Variants in CELF4 observed in about 807,000 individuals in gnomAD.
CELF4 encodes the protein CUG-BP- and ETR-3-like factor 4.
In CELF4, 18 loss-of-function variants were observed where a neutral mutation model predicts 59.9. That is an observed-to-expected ratio of 0.30 (90% CI 0.21 to 0.45). The LOEUF is 0.45. Among genes scored for constraint, CELF4 ranks in the 20% least tolerant of loss-of-function variants. The pLI is 1.00. For missense variants in CELF4, 456 were observed against 689.0 expected, an observed-to-expected ratio of 0.66 and a Z score of 3.79; for synonymous variants, 261 against 267.1, an observed-to-expected ratio of 0.98 and a Z score of 0.22.
At chr18:37,550,830 T>A (rs768433642) in intron 1 of CELF4, among the ~76,000 whole-genome samples, 2 of 152,144 alleles carry the variant, frequency 1.3e-5, no homozygotes, top group Non-Finnish European at 2.9e-5. Context: ...ATTAGAGACG[T>A]TTCTTTGGGT....
chr18:37,476,429 A>T (rs969506487), intron 2 of CELF4, among the ~76,000 whole-genome samples: 7 of 151,962 alleles, frequency 4.6e-5, no homozygotes, highest in African/African-American at 1.7e-4. Context: ...GCCTTTGATT[A>T]AAAAAAAGGG....
intron 3 of CELF4, among the ~76,000 whole-genome samples, chr18:37,294,346 G>A (rs770158858): frequency 2.7e-4 from 41 of 152,156 alleles, no homozygotes; most frequent in Non-Finnish European, 5.7e-4. Context: ...AAGGGCCATG[G>A]CCATAGATGT....
At chr18:37,430,844 A>T (rs1224032986) in intron 2 of CELF4, among the ~76,000 whole-genome samples, 1 of 152,086 alleles carries the variant, frequency 6.6e-6, no homozygotes, top group Non-Finnish European at 1.5e-5. Context: ...TCCTTACCCC[A>T]TGGGGATCTG....
chr18:37,444,665 A>G (rs1477855926), intron 2 of CELF4, among the ~76,000 whole-genome samples: 2 of 119,820 alleles, frequency 1.7e-5, no homozygotes, highest in African/African-American at 6.2e-5. Flanking sequence ...CGAACGATGC[A>G]GTTTCAGAGG....
intron 1 of CELF4, among the ~76,000 whole-genome samples, chr18:37,525,377 C>A (rs955978163): frequency 2.0e-5 from 3 of 152,184 alleles, no homozygotes; most frequent in African/African-American, 2.4e-5. Flanking sequence ...GGCATGGCCA[C>A]GCCTAGACTG....
intron 2 of CELF4, among the ~76,000 whole-genome samples, chr18:37,416,264 G>T (rs2099527723): frequency 6.6e-6 from 1 of 151,986 alleles, no homozygotes; most frequent in African/African-American, 2.4e-5. Flanking sequence ...TATATTGCCT[G>T]CCATTTGAAG....
At chr18:37,360,099 C>T (rs192305705) in intron 2 of CELF4, among the ~76,000 whole-genome samples, 24 of 152,132 alleles carry the variant, frequency 1.6e-4, no homozygotes, top group African/African-American at 4.8e-4. Flanking sequence ...GCAATCCACC[C>T]GCCTCGGCCT....
intron 2 of CELF4, among the ~76,000 whole-genome samples, chr18:37,462,951 T>G (rs1193698366): frequency 2.6e-5 from 4 of 152,114 alleles, no homozygotes; most frequent in African/African-American, 9.7e-5. Context: ...GTGTACCATG[T>G]GTAAGAGCCA....
At chr18:37,474,083 T>C (rs994542047) in intron 2 of CELF4, 15 of 152,180 alleles carry the variant, frequency 9.9e-5, no homozygotes, top group African/African-American at 3.6e-4. Flanking sequence ...TCTGTTACGT[T>C]GTTGCTGTTG....
chr18:37,282,815 AC>A (rs1318169811), intron 3 of CELF4, among the ~76,000 whole-genome samples: 1 of 152,128 alleles, frequency 6.6e-6, no homozygotes, highest in Non-Finnish European at 1.5e-5. Flanking sequence ...CAGGGTCACC[AC>A]GGGCCAGGTC....
At chr18:37,393,096 TAGAG>T (rs1488707631) in intron 2 of CELF4, among the ~76,000 whole-genome samples, 22 of 151,098 alleles carry the variant, frequency 1.5e-4, no homozygotes, top group Non-Finnish European at 1.0e-4. Context: ...TGCGGTGTGT[TAGAG>T]AGACACAGGG....
chr18:37,285,258 G>C (rs1035750383), intron 3 of CELF4, among the ~76,000 whole-genome samples: 2 of 152,190 alleles, frequency 1.3e-5, no homozygotes, highest in Non-Finnish European at 2.9e-5. Context: ...TGCTCGAGGA[G>C]GTAAAGTTTT....
At chr18:37,557,800 G>T (rs2099985242) in intron 1 of CELF4, among the ~76,000 whole-genome samples, 3 of 152,052 alleles carry the variant, frequency 2.0e-5, no homozygotes, top group Admixed American at 2.0e-4. Context: ...CTCCATGAGG[G>T]CACCCATTTA....
At chr18:37,364,147 G>A (rs1017316471) in intron 2 of CELF4, among the ~76,000 whole-genome samples, 2 of 152,220 alleles carry the variant, frequency 1.3e-5, no homozygotes, top group East Asian at 3.9e-4. Context: ...CACGATGGGA[G>A]CTTCTGTTTG....
chr18:37,297,650 G>C lies in CELF4; in HGVS notation c.449-22407C>G, dbSNP rs150342364. Among the ~76,000 whole-genome samples the C allele has an allele frequency of 1.5e-3, 233 of 152,354 alleles. 1 individual carries two copies. Among genetic ancestry groups the C allele is most frequent in the African/African-American group, 5.4e-3 (226 of 41,576 alleles). The stretch of plus-strand genomic sequence containing the variant: ...ACACCCACACCCCTGTGAAGATATA[G>C]AGCATTTCCGTTTCCCCAGAAGTTC... On this transcript the variant is annotated intron_variant, in intron 3 of 12. Transcript: ENST00000420428.
intron 7 of CELF4, among the ~76,000 whole-genome samples, chr18:37,271,288 G>A (rs1000551029): frequency 1.0e-5 from 1 of 100,186 alleles, no homozygotes; most frequent in Non-Finnish European, 1.8e-5. Flanking sequence ...GTCTTGCTCT[G>A]TTGCCCAGGT....
intron 2 of CELF4, among the ~76,000 whole-genome samples, chr18:37,326,534 C>A (rs912464178): frequency 2.0e-5 from 3 of 152,198 alleles, no homozygotes; most frequent in African/African-American, 4.8e-5. Context: ...CATGGAGGCC[C>A]TGTGGCCTTC....
intron 12 of CELF4, among the ~76,000 whole-genome samples, chr18:37,248,361 G>A (rs966433685): frequency 5.9e-5 from 9 of 152,178 alleles, no homozygotes; most frequent in African/African-American, 1.9e-4. Context: ...ACCAAACTGA[G>A]GCTGCATCTA....
chr18:37,495,505 C>T (rs917187007), intron 1 of CELF4, among the ~76,000 whole-genome samples: 2 of 152,178 alleles, frequency 1.3e-5, no homozygotes, highest in African/African-American at 2.4e-5. Context: ...CTGACCTCCT[C>T]AGCACATAAG....
Sources: gnomAD v4.1 joint callset for allele counts (sites outside exome capture counted in the v4.1 genomes callset) on GRCh38, gnomAD v4.1.1 for gene constraint, MANE v1.5 for transcripts, NCBI Gene and HGNC (gene_info 2026-07-23, HGNC 2026-07-21) for gene names.